RNF213: variants seen among roughly 807,000 people sequenced by gnomAD.
The protein encoded by RNF213 is ring finger protein 213.
Under a neutral mutation model 514.4 loss-of-function variants are expected in RNF213, and 341 were observed. That is an observed-to-expected ratio of 0.66 (90% CI 0.61 to 0.73). The LOEUF is 0.73. Ranked by LOEUF, RNF213 falls within the 30% of genes least tolerant of loss-of-function variation. The pLI is 0.00. For missense variants in RNF213, 5,767 were observed against 6,615.6 expected (o/e 0.87, Z 4.45); for synonymous variants, 2,655 against 2,658.2 (o/e 1.00, Z 0.04).
intron 13 of RNF213, 53 bp from the exon 14 acceptor site, chr17:80,308,965 T>C: frequency 3.7e-6 from 6 of 1,610,432 alleles, no homozygotes; most frequent in Non-Finnish European, 5.1e-6. Context: ...GTAACCATTT[T>C]CTGGCTTCTC....
rs779897017 is a variant in RNF213 at position 80,375,746 on chromosome 17, C to T, written c.13075-14C>T. On this transcript the variant is annotated splice_polypyrimidine_tract_variant and intron_variant, in intron 50 of 67. Coordinates refer to ENST00000582970, the MANE Select transcript of RNF213 (RefSeq NM_001256071.3). Reference sequence around the variant, plus strand: ...GAGCTTTTAAATTCTTACTTGATACCCTTGATTTTGCAGGCCTGCAAGACC... The same window carrying T: ...GAGCTTTTAAATTCTTACTTGATACTCTTGATTTTGCAGGCCTGCAAGACC... 5 of 1,567,422 alleles carry T rather than the reference C, an allele frequency of 3.2e-6. No individual in the cohort carries two copies. The highest frequency in any genetic ancestry group is 1.7e-5 in the Admixed American group (1 of 59,898).
Position 80,360,073 on chromosome 17 carries a change from G to T in RNF213, c.11067G>T (p.Glu3689Asp). ...CACCTTATTGCAGACATAAAGGTGA[G>T]ATGGCCTACATCGTGGTGCAGAACC... is the stretch of plus-strand genomic sequence containing the variant. ...LVMNNERHKG[E>D]MAYIVVQNHM... Residue 3689 changes from glutamate to aspartate, a missense_variant, in exon 38 of 68, where the codon GAG becomes GAT. Physicochemically the swap from Glu to Asp is conservative, Grantham distance 45. Transcript: ENST00000582970. 1 of 1,614,166 alleles carries T rather than the reference G, an allele frequency of 6.2e-7. No individual in the cohort carries two copies. Among genetic ancestry groups the T allele is most frequent in the Non-Finnish European group, 8.5e-7 (1 of 1,180,022 alleles).
At chr17:80,293,460 T>G (rs1204197581) in intron 8 of RNF213, among the ~76,000 whole-genome samples, 1 of 152,184 alleles carries the variant, frequency 6.6e-6, no homozygotes, top group Non-Finnish European at 1.5e-5. Flanking sequence ...CATTTAAATA[T>G]GGAATTCTAT....
chr17:80,292,614 A>T (rs35786093), intron 8 of RNF213, among the ~76,000 whole-genome samples: 2 of 151,304 alleles, frequency 1.3e-5, no homozygotes. Flanking sequence ...CCCATCTGTC[A>T]ATAGACGCGG....
At chr17:80,352,769 C>T (rs535538406) in intron 32 of RNF213, 171 bp from the exon 33 acceptor site, 43 of 925,906 alleles carry the variant, frequency 4.6e-5, no homozygotes, top group African/African-American at 2.1e-4. Context: ...TGTATAGTAT[C>T]GGGTTGGGTG....
At chr17:80,311,498 G>A (rs899393542) in intron 14 of RNF213, among the ~76,000 whole-genome samples, 2 of 152,178 alleles carry the variant, frequency 1.3e-5, no homozygotes, top group South Asian at 2.1e-4. Flanking sequence ...CGCCCCCTGC[G>A]TGCTGTGCTC....
At chr17:80,324,867 G>A (rs997700179) in intron 17 of RNF213, among the ~76,000 whole-genome samples, 163 bp from the exon 18 acceptor site, 2 of 152,114 alleles carry the variant, frequency 1.3e-5, no homozygotes, top group African/African-American at 4.8e-5. Context: ...GAAAATTTTC[G>A]AAGAAATGTA....
chr17:80,379,707 C>G lies in RNF213; in HGVS notation c.13633C>G (p.Leu4545Val). 6.2e-7 allele frequency: 1 copy of G among 1,613,998 alleles called. No individual in the cohort carries two copies. Among genetic ancestry groups the G allele is most frequent in the Non-Finnish European group, 8.5e-7 (1 of 1,179,856 alleles). The change falls in exon 55 of 68, where the codon CTG becomes GTG. Residue 4545 changes from leucine to valine, a missense_variant. This residue lies in a region of RNF213 where 1,245 missense variants were observed against 1,339.0 expected (regional missense o/e 0.93). Transcript: ENST00000582970. ...IDHKPRDGFH[L>V]VKDKADRTQT... ...CCACAAACCTCGGGACGGCTTTCAT[C>G]TGGTCAAGTATGTGGGTCAGGATTC...
At chr17:80,312,942 G>C (rs917648342) in intron 14 of RNF213, 70 bp from the exon 15 acceptor site, 250 of 1,570,408 alleles carry the variant, frequency 1.6e-4, no homozygotes, top group Non-Finnish European at 2.1e-4. Flanking sequence ...AGAGGAGGGG[G>C]TGCAGCATCT....
chr17:80,283,565 G>C (rs551460232), intron 3 of RNF213, among the ~76,000 whole-genome samples: 1 of 152,096 alleles, frequency 6.6e-6, no homozygotes, highest in Non-Finnish European at 1.5e-5. Context: ...CCCAACCTCC[G>C]TGTGCTGCTG....
chr17:80,388,453 A>G, intron 63 of RNF213, 159 bp from the exon 64 acceptor site: 1 of 683,750 alleles, frequency 1.5e-6, no homozygotes, highest in Non-Finnish European at 2.7e-6. Context: ...ATTTCCATAG[A>G]TGGTGGGTTA....
In RNF213 at chr17:80,323,843, G is replaced by GT. The variant is rs57480819; in HGVS notation, c.3025-1186dup. Among the ~76,000 whole-genome samples the GT allele has an allele frequency of 6.8e-5, 10 of 147,342 alleles. 1 individual carries two copies. The highest frequency in any genetic ancestry group is 2.3e-4 in the African/African-American group (9 of 39,384). On this transcript the variant is annotated intron_variant, in intron 17 of 67. Coordinates refer to ENST00000582970, the MANE Select transcript of RNF213 (RefSeq NM_001256071.3). ...TCTAAGTACTTTTTTTTGGGGGGGG[G>GT]TGCTATTGTAATTGGAATTGTTTTC...
At chr17:80,331,793 G>A (rs1166766593) in intron 20 of RNF213, among the ~76,000 whole-genome samples, 1 of 152,206 alleles carries the variant, frequency 6.6e-6, no homozygotes, top group Non-Finnish European at 1.5e-5. Flanking sequence ...TCTTTACCCA[G>A]AAGTTTATGA....
chr17:80,315,185 C>T (rs370815214), intron 15 of RNF213, among the ~76,000 whole-genome samples: 1 of 7,146 alleles, frequency 1.4e-4, no homozygotes, highest in Non-Finnish European at 2.2e-4. Context: ...TGGTGGTGGA[C>T]GTGATGGTGG....
In RNF213 at chr17:80,339,357, A is replaced by G. The variant is rs939122187; in HGVS notation, c.4990A>G (p.Lys1664Glu). 2.6e-6 allele frequency: 4 copies of G among 1,537,106 alleles called. No homozygotes were observed. The highest frequency in any genetic ancestry group is 3.5e-6 in the Non-Finnish European group (4 of 1,146,910). The change falls in exon 26 of 68, where the codon AAA (lysine) becomes GAA (glutamate). Residue 1664 changes from lysine (K) to glutamate (E), a missense_variant. Transcript: ENST00000582970. Reference protein sequence around the residue: ...DFGLDLVTELKEGGDVTELLA... With the variant: ...DFGLDLVTELEEGGDVTELLA... ...TGGCTTGGACCTGGTGACGGAGCTT[A>G]AAGAAGGTGGAGATGTCACTGAGCT...
chr17:80,387,828 C>T (rs941400505), intron 63 of RNF213, among the ~76,000 whole-genome samples: 1 of 152,212 alleles, frequency 6.6e-6, no homozygotes, highest in Non-Finnish European at 1.5e-5. Context: ...TGAAGCCACA[C>T]AGCAGGCACT....
At chr17:80,376,602 T>G in intron 52 of RNF213, 59 bp downstream of exon 52, 8 of 1,611,078 alleles carry the variant, frequency 5.0e-6, no homozygotes, top group Non-Finnish European at 6.8e-6. Flanking sequence ...AGCTTGTCAC[T>G]GTAGAGACCG....
Position 80,288,275 on chromosome 17 carries a change from T to A in RNF213, c.722T>A (p.Leu241His). Residue 241 changes from leucine to histidine, a missense_variant, in exon 4 of 68, where the codon CTC (leucine) becomes CAC (histidine). Leu to His is a moderately conservative substitution (Grantham distance 99). This residue lies in a region of RNF213 where 509 missense variants were observed against 496.7 expected (regional missense o/e 1.02). Transcript: ENST00000582970. The surrounding 1 kb of genome is among the most constrained non-coding windows in gnomAD (Gnocchi z 4.9). ...HSRTEDAAQE[L>H]LLPESKGGSS... ...AGGACTGAAGATGCTGCCCAGGAGC[T>A]CCTGTTGCCTGAGTCAAAAGGAGGC... is the stretch of plus-strand genomic sequence containing the variant. 1 of 1,613,066 alleles carries A rather than the reference T, an allele frequency of 6.2e-7. No homozygotes were observed. Among genetic ancestry groups the A allele is most frequent in the Non-Finnish European group, 8.5e-7 (1 of 1,179,984 alleles).
chr17:80,262,548 C>T (rs2043461893), intron 1 of RNF213, among the ~76,000 whole-genome samples: 1 of 152,154 alleles, frequency 6.6e-6, no homozygotes. Flanking sequence ...CTAGATCCCT[C>T]TAGGCAGATA....
Sources: allele counts gnomAD v4.1 joint callset (sites outside exome capture counted in the v4.1 genomes callset), GRCh38; gene constraint gnomAD v4.1.1; regional missense constraint gnomAD v4.1.1; non-coding constraint Gnocchi (gnomAD v3.1); transcripts MANE v1.5; gene names NCBI Gene and HGNC (gene_info 2026-07-23, HGNC 2026-07-21).